KCNIP4: variants seen among roughly 807,000 people sequenced by gnomAD.
KCNIP4 encodes potassium voltage-gated channel interacting protein 4, also known as Kv channel-interacting protein 4.
KCNIP4 carries 12 observed loss-of-function variants against 34.0 expected under a neutral mutation model. That is an observed-to-expected ratio of 0.35 (90% CI 0.23 to 0.57). The LOEUF (loss-of-function observed/expected upper bound fraction) is 0.57, where lower values mean the gene tolerates loss of function less well. KCNIP4 is among the 20% of genes least tolerant of loss of function. The probability of loss-of-function intolerance (pLI) is 0.83; values close to 1 mark genes in which losing one functional copy is unlikely to be tolerated. For missense variants in KCNIP4, 238 were observed against 311.7 expected (o/e 0.76, Z 1.78); for synonymous variants, 124 against 102.2 (o/e 1.21, Z -1.29).
chr4:20,921,089 G>C (rs1209445398), intron 1 of KCNIP4, among the ~76,000 whole-genome samples: 1 of 152,142 alleles, frequency 6.6e-6, no homozygotes, highest in Non-Finnish European at 1.5e-5. Context: ...AGAAGGGGTT[G>C]TTTCTACAGT....
At chr4:21,236,809 A>C (rs1363626268) in intron 1 of KCNIP4, among the ~76,000 whole-genome samples, 1 of 151,522 alleles carries the variant, frequency 6.6e-6, no homozygotes, top group East Asian at 1.9e-4. Flanking sequence ...GGAGCTCAAG[A>C]CCAGCCTGAC....
intron 1 of KCNIP4, among the ~76,000 whole-genome samples, chr4:21,890,608 G>T (rs1324188942): frequency 6.6e-6 from 1 of 152,028 alleles, no homozygotes; most frequent in African/African-American, 2.4e-5. Flanking sequence ...GGATGAGGAA[G>T]ACACAGTCCC....
chr4:21,840,616 T>C (rs1268762566), intron 1 of KCNIP4, among the ~76,000 whole-genome samples: 3 of 152,124 alleles, frequency 2.0e-5, no homozygotes, highest in African/African-American at 4.8e-5. Context: ...TTGAATAATA[T>C]GTTGGTGGGG....
At chr4:20,782,191 C>T (rs1265083690) in intron 3 of KCNIP4, among the ~76,000 whole-genome samples, 1 of 152,110 alleles carries the variant, frequency 6.6e-6, no homozygotes, top group African/African-American at 2.4e-5. Context: ...CAGGGTACAG[C>T]CTCTCTCCAG....
intron 1 of KCNIP4, among the ~76,000 whole-genome samples, chr4:21,221,155 A>C (rs1439579596): frequency 1.3e-5 from 2 of 152,058 alleles, no homozygotes; most frequent in Non-Finnish European, 2.9e-5. Flanking sequence ...CATTGTTCAA[A>C]TGTTTCTTTT....
intron 1 of KCNIP4, among the ~76,000 whole-genome samples, chr4:21,243,534 C>A (rs1414902529): frequency 6.6e-6 from 1 of 152,166 alleles, no homozygotes; most frequent in Non-Finnish European, 1.5e-5. Flanking sequence ...GGAATGTCAG[C>A]ATTAGAATGG....
intron 1 of KCNIP4, among the ~76,000 whole-genome samples, chr4:21,071,748 T>G (rs1744948327): frequency 6.6e-6 from 1 of 152,128 alleles, no homozygotes; most frequent in Non-Finnish European, 1.5e-5. Context: ...ACCCATTAAC[T>G]CGTCATTTAC....
intron 1 of KCNIP4, among the ~76,000 whole-genome samples, chr4:21,645,894 T>C (rs116258057): frequency 0.01 from 1,528 of 152,240 alleles, 20 homozygotes; most frequent in African/African-American, 0.035. Context: ...ATTCAGATCA[T>C]TGGAGCACAC....
chr4:21,423,725 G>A (rs1244269493), intron 1 of KCNIP4, among the ~76,000 whole-genome samples: 1 of 151,876 alleles, frequency 6.6e-6, no homozygotes, highest in Non-Finnish European at 1.5e-5. Context: ...AAAATCCATA[G>A]AGACAAAACC....
intron 1 of KCNIP4, among the ~76,000 whole-genome samples, chr4:21,034,882 C>T (rs115689282): frequency 0.01 from 1,525 of 152,278 alleles, 29 homozygotes; most frequent in African/African-American, 0.035. Flanking sequence ...CCTGCAGAAA[C>T]GTACATTGCT....
chr4:21,097,394 C>T (rs1401156478), intron 1 of KCNIP4, among the ~76,000 whole-genome samples: 7 of 152,078 alleles, frequency 4.6e-5, no homozygotes, highest in Non-Finnish European at 8.8e-5. Context: ...TTTTATTGTG[C>T]CTTGCAGATA....
chr4:21,623,485 T>TTC (rs994965201), intron 1 of KCNIP4, among the ~76,000 whole-genome samples: 21 of 152,234 alleles, frequency 1.4e-4, no homozygotes, highest in African/African-American at 4.6e-4. Context: ...CTAATAAAAT[T>TTC]TCTCTCTCTC....
intron 1 of KCNIP4, among the ~76,000 whole-genome samples, chr4:21,710,745 T>C (rs2109076040): frequency 6.6e-6 from 1 of 152,230 alleles, no homozygotes. Context: ...ATATGTAAAA[T>C]GAAGGTATTA....
intron 1 of KCNIP4, among the ~76,000 whole-genome samples, chr4:21,551,602 C>G (rs1738590114): frequency 6.6e-6 from 1 of 152,100 alleles, no homozygotes; most frequent in Non-Finnish European, 1.5e-5. Flanking sequence ...GAATGCAACT[C>G]TGCCAAAACC....
intron 1 of KCNIP4, among the ~76,000 whole-genome samples, chr4:21,016,092 C>T (rs1739516110): frequency 6.7e-6 from 1 of 150,074 alleles, no homozygotes; most frequent in African/African-American, 2.4e-5. Flanking sequence ...CGGGCTCCAG[C>T]AGCTCTATCG....
At chr4:21,782,378 A>G (rs1484986033) in intron 1 of KCNIP4, among the ~76,000 whole-genome samples, 1 of 152,216 alleles carries the variant, frequency 6.6e-6, no homozygotes, top group Non-Finnish European at 1.5e-5. Flanking sequence ...TGCCAAATAA[A>G]TGAAAATTCA....
intron 1 of KCNIP4, among the ~76,000 whole-genome samples, chr4:21,352,138 G>A (rs1027589527): frequency 6.6e-6 from 1 of 152,022 alleles, no homozygotes; most frequent in Non-Finnish European, 1.5e-5. Flanking sequence ...ACTAAAAAAA[G>A]AAAAAAATCT....
At chr4:21,691,207 G>A (rs1012283148) in intron 1 of KCNIP4, among the ~76,000 whole-genome samples, 5 of 152,120 alleles carry the variant, frequency 3.3e-5, no homozygotes, top group African/African-American at 1.2e-4. Flanking sequence ...CCTAGGATGG[G>A]GTCAGACAAT....
chr4:21,188,687 T>A (rs1755417266), intron 1 of KCNIP4, among the ~76,000 whole-genome samples: 1 of 152,210 alleles, frequency 6.6e-6, no homozygotes, highest in Non-Finnish European at 1.5e-5. Context: ...TGTATCTGGA[T>A]TTCTTTATGT....
Sources: gnomAD v4.1 joint callset for allele counts (sites outside exome capture counted in the v4.1 genomes callset) on GRCh38, gnomAD v4.1.1 for gene constraint, MANE v1.5 for transcripts, NCBI Gene and HGNC (gene_info 2026-07-23, HGNC 2026-07-21) for gene names.